The following EPB41L5 variants were observed in gnomAD, a reference collection of about 807,000 sequenced individuals.
EPB41L5 encodes erythrocyte membrane protein band 4.1 like 5.
A neutral mutation model predicts 106.6 loss-of-function variants in EPB41L5; 55 were observed. That is an observed-to-expected ratio of 0.52 (90% CI 0.42 to 0.65). The LOEUF is 0.65. Ranked by LOEUF, EPB41L5 falls within the 30% of genes least tolerant of loss-of-function variation. The pLI is 0.00. For synonymous variants in EPB41L5, 297 were observed against 306.7 expected (o/e 0.97, Z 0.33); for missense variants, 871 against 882.1 (o/e 0.99, Z 0.16).
In EPB41L5 at chr2:120,154,155, T is replaced by G. The variant is rs77256526; in HGVS notation, c.1794-6726T>G. Among the ~76,000 whole-genome samples, 876 of 151,878 alleles carry G rather than the reference T, an allele frequency of 5.8e-3. 8 individuals carry two copies. Among genetic ancestry groups the G allele is most frequent in the South Asian group, 0.039 (188 of 4,800 alleles). ...TTTGCATTTCCTTCCCTATATGTAT[T>G]TATTTATTTATTTATTTTTTGAGAC... On this transcript the variant is annotated intron_variant, in intron 20 of 24. Transcript: ENST00000263713.
chr2:120,059,604 A>G (rs920546618), intron 3 of EPB41L5, among the ~76,000 whole-genome samples: 1 of 152,220 alleles, frequency 6.6e-6, no homozygotes, highest in Non-Finnish European at 1.5e-5. Context: ...CGTGTCTAGC[A>G]TATATACACA....
At chr2:120,058,446 G>A (rs1275723777) in intron 3 of EPB41L5, among the ~76,000 whole-genome samples, 1 of 152,210 alleles carries the variant, frequency 6.6e-6, no homozygotes, top group Non-Finnish European at 1.5e-5. Flanking sequence ...AAGGTGTTGG[G>A]ATTACAGGTG....
rs927714720 is a variant in EPB41L5 at position 120,104,337 on chromosome 2, G to C, written c.1337+3523G>C. The C allele has an allele frequency of 4.9e-6, 7 of 1,425,674 alleles. No individual in the cohort carries two copies. In the African/African-American group the frequency reaches 8.6e-5, roughly 18 times the overall value. The allele number at this position is 1,425,674 out of a possible 1,614,324, so 88.3% of individuals were successfully genotyped here. A position where few individuals can be genotyped will look rare whatever the true frequency, so the allele number is the denominator to read the frequency against. On this transcript the variant is annotated intron_variant, in intron 16 of 24. Coordinates refer to ENST00000263713, the MANE Select transcript of EPB41L5 (RefSeq NM_020909.4). ...AGGATTAATCACATTAGGAGTATTT[G>C]GGAGAATTTACAGTGAGTCACTAGT...
intron 18 of EPB41L5, among the ~76,000 whole-genome samples, chr2:120,135,893 C>G (rs1328230294): frequency 1.3e-5 from 2 of 152,026 alleles, no homozygotes; most frequent in Non-Finnish European, 2.9e-5. Context: ...AGATAATCAT[C>G]TGATGGTACA....
At chr2:120,069,128 C>CAAAAAAAAAAAAAAAAAAAA (rs539813602) in intron 3 of EPB41L5, among the ~76,000 whole-genome samples, 2 of 79,568 alleles carry the variant, frequency 2.5e-5, no homozygotes, top group African/African-American at 1.2e-4. Context: ...AACTCTGTCT[C>CAAAAAAAAAAAAAAAAAAAA]AAAAAAAAAA....
intron 3 of EPB41L5, among the ~76,000 whole-genome samples, chr2:120,064,185 G>A (rs565953000): frequency 2.6e-5 from 4 of 152,268 alleles, no homozygotes; most frequent in African/African-American, 9.6e-5. Context: ...CTTAGTATAG[G>A]TTTTTAACTT....
At chr2:120,018,308 T>C (rs943895481) in intron 1 of EPB41L5, among the ~76,000 whole-genome samples, 2 of 152,096 alleles carry the variant, frequency 1.3e-5, no homozygotes, top group Admixed American at 6.6e-5. Flanking sequence ...TACCTTAGTG[T>C]CTGACATCAT....
In EPB41L5 at chr2:120,122,311, C is replaced by A. The variant is rs1321999345; in HGVS notation, c.1338-5377C>A. ...TTCTATGGTTTTTATGGTTTTAGGTCTAACGTTTAAGTCTTTAATCCATCA... is the reference window on the plus strand; with the variant it reads ...TTCTATGGTTTTTATGGTTTTAGGTATAACGTTTAAGTCTTTAATCCATCA... On this transcript the variant is annotated intron_variant, in intron 16 of 24. Transcript: ENST00000263713. Among the ~76,000 whole-genome samples the A allele has an allele frequency of 2.0e-5, 3 of 152,274 alleles. No individual in the cohort carries two copies. In the South Asian group the frequency reaches 6.2e-4, roughly 32 times the overall value.
At chr2:120,076,934 A>G (rs754313922) in intron 7 of EPB41L5, 37 bp from the exon 8 acceptor site, 1 of 1,530,744 alleles carries the variant, frequency 6.5e-7, no homozygotes, top group Admixed American at 2.1e-5. Flanking sequence ...AGGATTTAGC[A>G]GGAAATACAT....
chr2:120,062,863 A>C (rs1329195999), intron 3 of EPB41L5, among the ~76,000 whole-genome samples: 4 of 141,996 alleles, frequency 2.8e-5, no homozygotes, highest in African/African-American at 1.0e-4. Context: ...ATATGGACTG[A>C]ATACCACAGA....
intron 4 of EPB41L5, among the ~76,000 whole-genome samples, chr2:120,073,602 T>A (rs1487216043): frequency 6.6e-6 from 1 of 152,226 alleles, no homozygotes; most frequent in Non-Finnish European, 1.5e-5. Flanking sequence ...ACAATTCACA[T>A]AAAATGTTAG....
intron 16 of EPB41L5, among the ~76,000 whole-genome samples, chr2:120,114,984 A>G (rs1684884584): frequency 6.6e-6 from 1 of 152,128 alleles, no homozygotes; most frequent in South Asian, 2.1e-4. Context: ...TATTTTCTTG[A>G]TGATTTTCCT....
rs761111103 is a variant in EPB41L5, at chr2:120,176,192, C to T, written c.*1285C>T. The T allele has an allele frequency of 4.6e-5, 7 of 152,618 alleles. No individual in the cohort carries two copies. The highest frequency in any genetic ancestry group is 1.3e-4 in the Admixed American group (2 of 15,276). The allele number at this position is 152,618 out of a possible 1,614,324, so 9.5% of individuals were successfully genotyped here. A position where few individuals can be genotyped will look rare whatever the true frequency, so the allele number is the denominator to read the frequency against. On this transcript the variant is annotated 3_prime_UTR_variant, in exon 25 of 25. Coordinates refer to ENST00000263713, the MANE Select transcript of EPB41L5 (RefSeq NM_020909.4). ...ATTTTCGAATGAACAAGGTAAACCT[C>T]GGTTGCCATGGGGAAGAAGGATGAT...
intron 17 of EPB41L5, among the ~76,000 whole-genome samples, 184 bp from the exon 18 acceptor site, chr2:120,131,434 T>G (rs1292549687): frequency 6.6e-6 from 1 of 152,194 alleles, no homozygotes; most frequent in African/African-American, 2.4e-5. Flanking sequence ...TTAACTCTTA[T>G]TCAAATTAAT....
chr2:120,118,968 C>G (rs1685081890), intron 16 of EPB41L5, among the ~76,000 whole-genome samples: 1 of 152,172 alleles, frequency 6.6e-6, no homozygotes, highest in Non-Finnish European at 1.5e-5. Context: ...GTAAAACATT[C>G]CTTTTTCTCC....
intron 20 of EPB41L5, among the ~76,000 whole-genome samples, chr2:120,151,316 A>AATG (rs1686663952): frequency 6.6e-6 from 1 of 152,114 alleles, no homozygotes; most frequent in Non-Finnish European, 1.5e-5. Context: ...TAATAATAAT[A>AATG]ATAATAATGC....
intron 20 of EPB41L5, among the ~76,000 whole-genome samples, chr2:120,159,629 A>G (rs1687060245): frequency 6.6e-6 from 1 of 152,176 alleles, no homozygotes; most frequent in South Asian, 2.1e-4. Context: ...AGCTGGAGGC[A>G]TTATGCTATC....
chr2:120,031,954 A>T (rs1461471640), intron 2 of EPB41L5, among the ~76,000 whole-genome samples: 1 of 152,124 alleles, frequency 6.6e-6, no homozygotes, highest in Non-Finnish European at 1.5e-5. Context: ...TGTCCAATGT[A>T]GCCAGACCTC....
chr2:120,115,209 G>T (rs1684892538), intron 16 of EPB41L5, among the ~76,000 whole-genome samples: 1 of 151,996 alleles, frequency 6.6e-6, no homozygotes, highest in Non-Finnish European at 1.5e-5. Context: ...AATTCATTTT[G>T]CCAATCTCTG....
Sources: gnomAD v4.1 joint callset for allele counts (sites outside exome capture counted in the v4.1 genomes callset) on GRCh38, gnomAD v4.1.1 for gene constraint, MANE v1.5 for transcripts, NCBI Gene and HGNC (gene_info 2026-07-23, HGNC 2026-07-21) for gene names.